Variants in ERG observed in about 807,000 individuals in gnomAD.
The protein encoded by ERG is transcriptional regulator ERG.
Under a neutral mutation model 55.3 loss-of-function variants are expected in ERG, and 9 were observed. That is an observed-to-expected ratio of 0.16 (90% CI 0.10 to 0.28). ERG has a LOEUF of 0.28. Ranked by LOEUF, ERG falls within the 10% of genes least tolerant of loss-of-function variation. The pLI, the probability that ERG is intolerant of heterozygous loss-of-function variation, is 1.00. For synonymous variants in ERG, 223 were observed against 237.3 expected, an observed-to-expected ratio of 0.94 and a Z score of 0.55; for missense variants, 434 against 631.6, an observed-to-expected ratio of 0.69 and a Z score of 3.35.
At chr21:38,512,389 T>A (rs2059519173) in intron 2 of ERG, among the ~76,000 whole-genome samples, 1 of 152,234 alleles carries the variant, frequency 6.6e-6, no homozygotes, top group Admixed American at 6.5e-5. Context: ...ATCCTTTGTC[T>A]CCGCAATTGA....
At chr21:38,582,508 G>A (rs2146878627) in intron 1 of ERG, among the ~76,000 whole-genome samples, 1 of 152,312 alleles carries the variant, frequency 6.6e-6, no homozygotes, top group East Asian at 1.9e-4. Flanking sequence ...ATTCACAAAG[G>A]TGTCAGTGCA....
intron 2 of ERG, among the ~76,000 whole-genome samples, chr21:38,528,050 GCT>G (rs2059642610): frequency 6.6e-6 from 1 of 152,166 alleles, no homozygotes; most frequent in African/African-American, 2.4e-5. Context: ...TCTGTTCTAG[GCT>G]CTCTCTCCCC....
intron 1 of ERG, among the ~76,000 whole-genome samples, chr21:38,622,136 G>T (rs1947819427): frequency 2.0e-5 from 3 of 152,222 alleles, no homozygotes; most frequent in Non-Finnish European, 4.4e-5. Flanking sequence ...ACTGTGCAGT[G>T]CACAACCACA....
chr21:38,629,735 A>G (rs1237315158), intron 1 of ERG, among the ~76,000 whole-genome samples: 1 of 152,220 alleles, frequency 6.6e-6, no homozygotes, highest in Admixed American at 6.5e-5. Context: ...CATGTGATCC[A>G]GCAATTATAC....
At chr21:38,429,528 CATGTACATATATACATAT>C (rs1569092412) in intron 2 of ERG, among the ~76,000 whole-genome samples, 3 of 117,842 alleles carry the variant, frequency 2.5e-5, no homozygotes, top group African/African-American at 9.3e-5. Context: ...CATGTATGCA[CATGTACATATATACATAT>C]GTGTATATGT....
intron 2 of ERG, among the ~76,000 whole-genome samples, chr21:38,524,201 C>T (rs1257778141): frequency 1.3e-5 from 2 of 152,188 alleles, no homozygotes; most frequent in African/African-American, 2.4e-5. Flanking sequence ...ATGGAATGCA[C>T]TATTTGACTT....
chr21:38,643,997 C>T (rs1601347327), intron 1 of ERG, among the ~76,000 whole-genome samples: 1 of 152,338 alleles, frequency 6.6e-6, no homozygotes. Flanking sequence ...TCTGCTCACC[C>T]TCTCCCCTCC....
chr21:38,523,387 A>G (rs1270993490), intron 2 of ERG, among the ~76,000 whole-genome samples: 1 of 152,222 alleles, frequency 6.6e-6, no homozygotes, highest in Non-Finnish European at 1.5e-5. Context: ...TATATCTTAT[A>G]TAACACCAAG....
intron 1 of ERG, among the ~76,000 whole-genome samples, chr21:38,473,416 T>A (rs964403195): frequency 1.4e-5 from 2 of 144,812 alleles, no homozygotes; most frequent in Admixed American, 6.7e-5. Flanking sequence ...TGCATTCAAT[T>A]ATATATATAC....
the ERG span, among the ~76,000 whole-genome samples, chr21:38,367,435 G>A: frequency 6.6e-6 from 1 of 152,184 alleles, no homozygotes; most frequent in African/African-American, 2.4e-5. Flanking sequence ...AGGCTTGACT[G>A]GGGCTGGAGA....
chr21:38,643,037 T>G (rs978043325), intron 1 of ERG, among the ~76,000 whole-genome samples: 1 of 152,212 alleles, frequency 6.6e-6, no homozygotes, highest in Non-Finnish European at 1.5e-5. Context: ...CCTTACTCAT[T>G]GCATCAAAGT....
the ERG span, among the ~76,000 whole-genome samples, chr21:38,367,989 G>A: frequency 1.2e-4 from 19 of 152,260 alleles, no homozygotes; most frequent in Middle Eastern, 3.4e-3. Context: ...CTCTGGACCC[G>A]TGATGGGAAG....
intron 2 of ERG, among the ~76,000 whole-genome samples, chr21:38,564,697 G>A (rs2059912627): frequency 6.6e-6 from 1 of 151,740 alleles, no homozygotes; most frequent in African/African-American, 2.4e-5. Context: ...CTAATCCTCA[G>A]TCCTCATCTC....
intron 1 of ERG, among the ~76,000 whole-genome samples, chr21:38,489,484 A>G (rs1386210653): frequency 6.6e-6 from 1 of 152,264 alleles, no homozygotes; most frequent in African/African-American, 2.4e-5. Flanking sequence ...CAAAGAAGGT[A>G]AAGTCAACAA....
chr21:38,386,039 GTCCC>G (rs1165245704), intron 9 of ERG, among the ~76,000 whole-genome samples: 2 of 152,190 alleles, frequency 1.3e-5, no homozygotes, highest in African/African-American at 4.8e-5. Flanking sequence ...TTAGCAATTT[GTCCC>G]TCACCCATTT....
At chr21:38,388,279 C>T (rs894052916) in intron 9 of ERG, among the ~76,000 whole-genome samples, 4 of 152,162 alleles carry the variant, frequency 2.6e-5, no homozygotes, top group African/African-American at 9.7e-5. Flanking sequence ...TGCTTATAAC[C>T]GATCCATGAT....
At chr21:38,573,600 C>T (rs1046824483) in intron 2 of ERG, among the ~76,000 whole-genome samples, 29 of 152,236 alleles carry the variant, frequency 1.9e-4, no homozygotes, top group Admixed American at 7.2e-4. Context: ...TTAATTATGA[C>T]ATAGATTCTT....
chr21:38,516,219 A>AT (rs2146736197), intron 2 of ERG, among the ~76,000 whole-genome samples: 1 of 152,188 alleles, frequency 6.6e-6, no homozygotes, highest in Non-Finnish European at 1.5e-5. Flanking sequence ...ATGATCTTAC[A>AT]TCTAGAAAAA....
chr21:38,578,197 G>A (rs2060006647), intron 1 of ERG, among the ~76,000 whole-genome samples: 1 of 152,238 alleles, frequency 6.6e-6, no homozygotes, highest in African/African-American at 2.4e-5. Context: ...AGTCCAGTCA[G>A]CCCACAGAAT....
Sources: gnomAD v4.1 joint callset for allele counts (sites outside exome capture counted in the v4.1 genomes callset) on GRCh38, gnomAD v4.1.1 for gene constraint, MANE v1.5 for transcripts, NCBI Gene and HGNC (gene_info 2026-07-23, HGNC 2026-07-21) for gene names.